IGF2BP3: variants seen among roughly 807,000 people sequenced by gnomAD.
IGF2BP3 encodes insulin like growth factor 2 mRNA binding protein 3.
IGF2BP3 carries 9 observed loss-of-function variants against 73.8 expected under a neutral mutation model. The observed-to-expected ratio is 0.12, with a 90% CI of 0.07 to 0.21. IGF2BP3 has a LOEUF of 0.21. IGF2BP3 is among the 10% of genes least tolerant of loss of function. IGF2BP3 has a pLI of 1.00. For synonymous variants in IGF2BP3, 258 were observed against 256.7 expected (o/e 1.01, Z -0.05); for missense variants, 542 against 714.0 (o/e 0.76, Z 2.75).
chr7:23,330,952 C>T (rs1164763759), intron 10 of IGF2BP3, among the ~76,000 whole-genome samples: 1 of 152,014 alleles, frequency 6.6e-6, no homozygotes, highest in African/African-American at 2.4e-5. Context: ...TGCACACCAC[C>T]ATGCCCGGCT....
intron 3 of IGF2BP3, among the ~76,000 whole-genome samples, chr7:23,405,476 T>C (rs933143399): frequency 6.6e-6 from 1 of 152,168 alleles, no homozygotes; most frequent in Non-Finnish European, 1.5e-5. Flanking sequence ...AAGTTGTTAG[T>C]GGATACAGAC....
chr7:23,429,201 A>G (rs2128541003), intron 2 of IGF2BP3, among the ~76,000 whole-genome samples: 1 of 152,310 alleles, frequency 6.6e-6, no homozygotes, highest in South Asian at 2.1e-4. Flanking sequence ...GTTCATACTG[A>G]TTATTTCCAA....
At chr7:23,351,146 A>G (rs977096261) in intron 6 of IGF2BP3, among the ~76,000 whole-genome samples, 159 bp downstream of exon 6, 1 of 152,196 alleles carries the variant, frequency 6.6e-6, no homozygotes, top group African/African-American at 2.4e-5. Context: ...ATATGAAATG[A>G]ACACCAAGAT....
chr7:23,386,229 T>C (rs941099770), intron 3 of IGF2BP3, among the ~76,000 whole-genome samples: 1 of 152,228 alleles, frequency 6.6e-6, no homozygotes, highest in African/African-American at 2.4e-5. Context: ...CCAGGCGTGC[T>C]GGCTCACACC....
At chr7:23,397,392 A>G (rs557588472) in intron 3 of IGF2BP3, among the ~76,000 whole-genome samples, 2 of 152,350 alleles carry the variant, frequency 1.3e-5, no homozygotes, top group African/African-American at 4.8e-5. Context: ...CGTGTTGTCA[A>G]CTGTCAGTGT....
chr7:23,437,501 T>C (rs1039032123), intron 2 of IGF2BP3, among the ~76,000 whole-genome samples: 6 of 151,450 alleles, frequency 4.0e-5, no homozygotes, highest in African/African-American at 1.5e-4. Context: ...AATAAATAAA[T>C]AAATAAATAA....
intron 3 of IGF2BP3, among the ~76,000 whole-genome samples, chr7:23,372,167 G>A (rs574706151): frequency 1.3e-5 from 2 of 151,692 alleles, no homozygotes; most frequent in Non-Finnish European, 2.9e-5. Context: ...TCCGCCACCC[G>A]GGGTTCAAGC....
rs567453758 is a variant in IGF2BP3, at chr7:23,350,843, A to T, written c.683+462T>A. Among the ~76,000 whole-genome samples the T allele has an allele frequency of 3.3e-5, 5 of 152,380 alleles. No homozygotes were observed. In the South Asian group the frequency reaches 8.3e-4, roughly 25 times the overall value. On this transcript the variant is annotated intron_variant, in intron 6 of 14. Coordinates refer to ENST00000258729, the MANE Select transcript of IGF2BP3 (RefSeq NM_006547.3). ...AAAAGCCATTCTAATTACATGGCTT[A>T]ATCAGAGGAAAAATTCGGACAAATA...
At chr7:23,369,579 A>C (rs1298533227) in intron 3 of IGF2BP3, among the ~76,000 whole-genome samples, 2 of 152,244 alleles carry the variant, frequency 1.3e-5, no homozygotes, top group South Asian at 2.1e-4. Context: ...GTATCATTGA[A>C]ATACAGAATA....
Position 23,312,817 on chromosome 7 carries a change from T to A in IGF2BP3, c.1559A>T (p.Glu520Val). Residue 520 changes from glutamate to valine, a missense_variant, in exon 14 of 15, where the codon GAA becomes GTA. Physicochemically the swap from Glu to Val is moderately radical, Grantham distance 121. Around this residue, in one of 2 missense-constraint regions of IGF2BP3, gnomAD observed 303 missense variants for 472.1 expected, o/e 0.64. Transcript: ENST00000258729. ...TGTCTGGTCACGAGGGACAACAACT[T>A]CTGCACTTGACAAATTCTGAAGTTC... ...VNELQNLSSA[E>V]VVVPRDQTPD... 6.2e-7 allele frequency: 1 copy of A among 1,610,940 alleles called. No homozygotes were observed. The highest frequency in any genetic ancestry group is 8.5e-7 in the Non-Finnish European group (1 of 1,179,180).
intron 2 of IGF2BP3, among the ~76,000 whole-genome samples, chr7:23,443,217 C>T (rs1453231475): frequency 6.6e-6 from 1 of 150,622 alleles, no homozygotes; most frequent in African/African-American, 2.4e-5. Flanking sequence ...ACTCCGCCTC[C>T]CAGGTTCAAG....
chr7:23,317,888 G>A, intron 11 of IGF2BP3, 175 bp from the exon 12 acceptor site: 1 of 629,062 alleles, frequency 1.6e-6, no homozygotes. Context: ...CCTCCCTCCT[G>A]CATATACTAT....
At chr7:23,419,907 G>A (rs1329552792) in intron 2 of IGF2BP3, among the ~76,000 whole-genome samples, 4 of 152,132 alleles carry the variant, frequency 2.6e-5, no homozygotes, top group Non-Finnish European at 5.9e-5. Flanking sequence ...ATAGGTTTCA[G>A]ACTGCTAAAG....
intron 10 of IGF2BP3, among the ~76,000 whole-genome samples, chr7:23,337,371 G>C (rs1784600686): frequency 6.6e-6 from 1 of 152,180 alleles, no homozygotes; most frequent in Non-Finnish European, 1.5e-5. Flanking sequence ...CTGGAATATG[G>C]AATTTTCTCC....
intron 10 of IGF2BP3, among the ~76,000 whole-genome samples, chr7:23,337,967 C>A (rs1438449638): frequency 6.6e-6 from 1 of 152,188 alleles, no homozygotes; most frequent in African/African-American, 2.4e-5. Context: ...CACTTCCAGC[C>A]TTGGATTGTC....
chr7:23,354,634 T>C (rs2128505910), intron 5 of IGF2BP3, among the ~76,000 whole-genome samples: 1 of 152,304 alleles, frequency 6.6e-6, no homozygotes. Context: ...AGAAACAACT[T>C]TATAACTTGG....
At chr7:23,371,574 A>G (rs1785549674) in intron 3 of IGF2BP3, among the ~76,000 whole-genome samples, 1 of 152,250 alleles carries the variant, frequency 6.6e-6, no homozygotes, top group Non-Finnish European at 1.5e-5. Flanking sequence ...AATTACTTGG[A>G]TAACACTCAA....
chr7:23,397,019 C>T (rs967420111), intron 3 of IGF2BP3, among the ~76,000 whole-genome samples: 1 of 152,086 alleles, frequency 6.6e-6, no homozygotes, highest in African/African-American at 2.4e-5. Flanking sequence ...AAGAAGCTGC[C>T]CTCAAAGTCC....
chr7:23,383,639 C>T (rs1215257364), intron 3 of IGF2BP3, among the ~76,000 whole-genome samples: 2 of 151,890 alleles, frequency 1.3e-5, no homozygotes, highest in Non-Finnish European at 1.5e-5. Context: ...AGAAACATAC[C>T]CAAGAAAAAT....
Sources: gnomAD v4.1 joint callset for allele counts (sites outside exome capture counted in the v4.1 genomes callset) on GRCh38, gnomAD v4.1.1 for gene constraint, gnomAD v4.1.1 regional missense constraint, MANE v1.5 for transcripts, NCBI Gene and HGNC (gene_info 2026-07-23, HGNC 2026-07-21) for gene names.